The following SNAP91 variants were observed in gnomAD, a reference collection of about 807,000 sequenced individuals.
The protein encoded by SNAP91 is synaptosome associated protein 91, also known as clathrin coat assembly protein AP180.
In SNAP91, 27 loss-of-function variants were observed where a neutral mutation model predicts 100.3. The ratio of observed to expected loss-of-function variants is 0.27; its 90% CI spans 0.20 to 0.37. The LOEUF (loss-of-function observed/expected upper bound fraction) is 0.37, where lower values mean the gene tolerates loss of function less well. Among genes scored for constraint, SNAP91 ranks in the 10% least tolerant of loss-of-function variants. The pLI is 1.00. For synonymous variants in SNAP91, 404 were observed against 398.6 expected (o/e 1.01, Z -0.16); for missense variants, 986 against 1,123.7 (o/e 0.88, Z 1.75).
chr6:83,645,743 C>T (rs750154617), intron 7 of SNAP91, among the ~76,000 whole-genome samples: 1 of 151,958 alleles, frequency 6.6e-6, no homozygotes, highest in Non-Finnish European at 1.5e-5. Context: ...CCCAGCTACT[C>T]GGGAGGCTGA....
At chr6:83,633,422 G>A (rs1405167366) in intron 8 of SNAP91, among the ~76,000 whole-genome samples, 1 of 152,138 alleles carries the variant, frequency 6.6e-6, no homozygotes, top group African/African-American at 2.4e-5. Flanking sequence ...GAGGTGGGAG[G>A]CAGGGCCCTA....
At chr6:83,653,434 A>G (rs1488626636) in intron 7 of SNAP91, among the ~76,000 whole-genome samples, 1 of 152,140 alleles carries the variant, frequency 6.6e-6, no homozygotes, top group Non-Finnish European at 1.5e-5. Context: ...TAATAATCCC[A>G]AAGTGGTTTT....
chr6:83,616,603 G>A (rs1431150157), intron 10 of SNAP91, among the ~76,000 whole-genome samples: 1 of 152,118 alleles, frequency 6.6e-6, no homozygotes, highest in Non-Finnish European at 1.5e-5. Context: ...ATAATAGAGT[G>A]CTCAAGGCTG....
intron 9 of SNAP91, among the ~76,000 whole-genome samples, chr6:83,622,672 T>C (rs957863386): frequency 6.6e-6 from 1 of 151,118 alleles, no homozygotes; most frequent in Non-Finnish European, 1.5e-5. Flanking sequence ...ATGAATGACC[T>C]TGAATCTATA....
intron 8 of SNAP91, among the ~76,000 whole-genome samples, chr6:83,624,990 C>T (rs765190287): frequency 4.6e-5 from 7 of 151,832 alleles, no homozygotes; most frequent in Admixed American, 6.6e-5. Context: ...ATGCTGTTAC[C>T]CAGATAGTGA....
Position 83,646,580 on chromosome 6 carries a change from A to G in SNAP91, c.659-5378T>C, listed in dbSNP as rs191684569. On this transcript the variant is annotated intron_variant, in intron 7 of 29. Coordinates refer to ENST00000369694, the MANE Select transcript of SNAP91 (RefSeq NM_001242792.2). ...GATCTATTTGTCTATTCTTTTGCCA[A>G]TACCACAATATCTTGATTACTGTAG... Among the ~76,000 whole-genome samples, 130 of 152,262 alleles carry G rather than the reference A, an allele frequency of 8.5e-4. 1 individual carries two copies. Among genetic ancestry groups the G allele is most frequent in the Middle Eastern group, 3.4e-3 (1 of 294 alleles).
At chr6:83,577,075 T>C (rs1820059874) in intron 24 of SNAP91, among the ~76,000 whole-genome samples, 1 of 151,390 alleles carries the variant, frequency 6.6e-6, no homozygotes, top group Non-Finnish European at 1.5e-5. Flanking sequence ...GTAAGTGGGG[T>C]TGAAGGGGTA....
At chr6:83,584,699 A>T (rs991652410) in intron 22 of SNAP91, among the ~76,000 whole-genome samples, 1 of 152,218 alleles carries the variant, frequency 6.6e-6, no homozygotes, top group African/African-American at 2.4e-5. Flanking sequence ...TAAAACACAC[A>T]TTAGCTTATC....
intron 3 of SNAP91, among the ~76,000 whole-genome samples, chr6:83,663,992 C>T (rs2098621251): frequency 6.6e-6 from 1 of 152,094 alleles, no homozygotes; most frequent in East Asian, 1.9e-4. Context: ...ACTAAACCTA[C>T]TCTGCCTGTG....
intron 9 of SNAP91, among the ~76,000 whole-genome samples, chr6:83,619,737 A>T (rs2096638679): frequency 6.6e-6 from 1 of 152,212 alleles, no homozygotes; most frequent in African/African-American, 2.4e-5. Flanking sequence ...AGATATTTAC[A>T]TTTGGAATGT....
chr6:83,656,673 G>A, intron 7 of SNAP91, 81 bp downstream of exon 7: 6 of 536,646 alleles, frequency 1.1e-5, no homozygotes, highest in African/African-American at 2.2e-5. Context: ...CACCAAGTGA[G>A]ACAACAGACT....
chr6:83,659,586 G>C (rs1014507308), intron 5 of SNAP91, among the ~76,000 whole-genome samples: 1 of 151,628 alleles, frequency 6.6e-6, no homozygotes, highest in Non-Finnish European at 1.5e-5. Flanking sequence ...CACCACACCC[G>C]GTTAATTTTT....
intron 8 of SNAP91, among the ~76,000 whole-genome samples, chr6:83,624,163 G>C (rs2096841556): frequency 1.3e-5 from 2 of 151,966 alleles, no homozygotes; most frequent in South Asian, 4.1e-4. Flanking sequence ...TGTTAGCATG[G>C]GGATAGGGGC....
chr6:83,605,772 G>A lies in SNAP91; in HGVS notation c.1054C>T (p.Leu352Phe), dbSNP rs2095571527. ...TSKPSSDLLD[L>F]QPDFSSGGAA... Reference sequence around the variant, plus strand: ...CCTCCAGAGGAAAAGTCTGGCTGGAGGTCCAGGAGATCACTAGATGGTTTA... The same window carrying A: ...CCTCCAGAGGAAAAGTCTGGCTGGAAGTCCAGGAGATCACTAGATGGTTTA... Residue 352 changes from leucine (L) to phenylalanine (F), a missense_variant, in exon 14 of 30, where the codon CTC becomes TTC. Leu to Phe is a conservative substitution (Grantham distance 22). Transcript: ENST00000369694. The A allele has an allele frequency of 6.4e-7, 1 of 1,552,820 alleles. No individual in the cohort carries two copies. The highest frequency in any genetic ancestry group is 8.7e-7 in the Non-Finnish European group (1 of 1,147,668).
At chr6:83,668,688 G>C (rs777052062) in intron 2 of SNAP91, among the ~76,000 whole-genome samples, 39 of 152,038 alleles carry the variant, frequency 2.6e-4, no homozygotes, top group Non-Finnish European at 3.8e-4. Flanking sequence ...TGTGGTGTAG[G>C]GGAAGGGGGA....
At chr6:83,646,470 GT>G (rs2097920772) in intron 7 of SNAP91, among the ~76,000 whole-genome samples, 1 of 152,098 alleles carries the variant, frequency 6.6e-6, no homozygotes, top group Admixed American at 6.6e-5. Context: ...AGCACCATTT[GT>G]TCAAAAGATT....
At chr6:83,592,609 T>C in intron 20 of SNAP91, 71 bp from the exon 21 acceptor site, 1 of 1,242,406 alleles carries the variant, frequency 8.0e-7, no homozygotes, top group Non-Finnish European at 1.2e-6. Flanking sequence ...CCTTGACAAA[T>C]GGCATCTTGG....
chr6:83,632,154 T>C lies in SNAP91; in HGVS notation c.766-8812A>G, dbSNP rs1397578195. Among the ~76,000 whole-genome samples the C allele has an allele frequency of 2.0e-5, 3 of 152,152 alleles. No individual in the cohort carries two copies. The East Asian group carries it at 5.8e-4, about 29-fold the overall frequency. ...AATTCTTGGCTGATAATTGTTTTAT[T>C]TGAGGAGGCTGAAGATAGGGCCTCA... is the stretch of plus-strand genomic sequence containing the variant. On this transcript the variant is annotated intron_variant, in intron 8 of 29. Coordinates refer to ENST00000369694, the MANE Select transcript of SNAP91 (RefSeq NM_001242792.2).
At chr6:83,593,096 T>C in intron 19 of SNAP91, 79 bp from the exon 20 acceptor site, 1 of 1,512,088 alleles carries the variant, frequency 6.6e-7, no homozygotes, top group East Asian at 2.4e-5. Flanking sequence ...ATCTAACAAA[T>C]GCATTATCAC....
Sources: allele counts gnomAD v4.1 joint callset (sites outside exome capture counted in the v4.1 genomes callset), GRCh38; gene constraint gnomAD v4.1.1; transcripts MANE v1.5; gene names NCBI Gene and HGNC (gene_info 2026-07-23, HGNC 2026-07-21).